The following PIGU variants were observed in gnomAD, a reference collection of about 807,000 sequenced individuals.
The protein encoded by PIGU is phosphatidylinositol glycan anchor biosynthesis class U.
In PIGU, 24 loss-of-function variants were observed where a neutral mutation model predicts 49.9. The observed-to-expected ratio is 0.48, with a 90% confidence interval of 0.35 to 0.68. The LOEUF (loss-of-function observed/expected upper bound fraction) is 0.68, where lower values mean the gene tolerates loss of function less well. Ranked by LOEUF, PIGU falls within the 30% of genes least tolerant of loss-of-function variation. PIGU has a pLI of 0.01. For synonymous variants in PIGU, 220 were observed against 205.7 expected (o/e 1.07, Z -0.59); for missense variants, 490 against 532.6 (o/e 0.92, Z 0.79).
intron 2 of PIGU, among the ~76,000 whole-genome samples, chr20:34,656,934 C>T (rs531482852): frequency 1.3e-5 from 2 of 152,262 alleles, no homozygotes; most frequent in East Asian, 1.9e-4. Context: ...AACTTATTTG[C>T]CTTTACAAAT....
At chr20:34,596,150 T>C (rs1456372562) in intron 7 of PIGU, among the ~76,000 whole-genome samples, 1 of 152,214 alleles carries the variant, frequency 6.6e-6, no homozygotes, top group Admixed American at 6.5e-5. Context: ...AACCCCTCGG[T>C]ACAGTGCACT....
intron 6 of PIGU, among the ~76,000 whole-genome samples, chr20:34,631,818 G>A (rs1223839938): frequency 2.1e-5 from 1 of 46,932 alleles, no homozygotes; most frequent in Non-Finnish European, 4.3e-5. Flanking sequence ...TTTTTTTTTA[G>A]TAGAGACGGG....
chr20:34,582,896 G>A lies in PIGU; in HGVS notation c.927-1224C>T, dbSNP rs548859060. Reference sequence around the variant, plus strand: ...CAGAGCTCAATCTCGGTGCCCCTCCGAGAGCTGACCAAGTGCTAAAGGGAA... The same window carrying A: ...CAGAGCTCAATCTCGGTGCCCCTCCAAGAGCTGACCAAGTGCTAAAGGGAA... On this transcript the variant is annotated intron_variant, in intron 9 of 11. Transcript: ENST00000217446. Among the ~76,000 whole-genome samples, 322 of 152,124 alleles carry A rather than the reference G, an allele frequency of 2.1e-3. 2 individuals carry two copies. Among genetic ancestry groups the A allele is most frequent in the Middle Eastern group, 3.4e-3 (1 of 294 alleles).
At chr20:34,592,227 G>A (rs1385512645) in intron 7 of PIGU, among the ~76,000 whole-genome samples, 1 of 151,054 alleles carries the variant, frequency 6.6e-6, no homozygotes, top group African/African-American at 2.4e-5. Context: ...AGTTACTTTG[G>A]AATAGAAGAA....
At chr20:34,590,568 T>C (rs1983914881) in intron 7 of PIGU, among the ~76,000 whole-genome samples, 1 of 144,316 alleles carries the variant, frequency 6.9e-6, no homozygotes, top group African/African-American at 2.6e-5. Context: ...TCAAATAAAA[T>C]AGCGTAACGT....
intron 1 of PIGU, among the ~76,000 whole-genome samples, chr20:34,658,238 G>A (rs1184118816): frequency 6.6e-6 from 1 of 152,218 alleles, no homozygotes; most frequent in Non-Finnish European, 1.5e-5. Flanking sequence ...CGAGTGATCC[G>A]CCAACCTCGG....
intron 11 of PIGU, among the ~76,000 whole-genome samples, chr20:34,570,682 C>A (rs1982971511): frequency 6.6e-6 from 1 of 152,148 alleles, no homozygotes; most frequent in South Asian, 2.1e-4. Context: ...CAGGTGTGAG[C>A]CACCGCGCCC....
intron 5 of PIGU, among the ~76,000 whole-genome samples, chr20:34,636,497 T>C (rs1985970250): frequency 6.7e-6 from 1 of 150,170 alleles, no homozygotes; most frequent in African/African-American, 2.5e-5. Context: ...TGAGCCGAGA[T>C]TGCACCACTG....
intron 1 of PIGU, among the ~76,000 whole-genome samples, chr20:34,669,291 G>C (rs1987229495): frequency 6.6e-6 from 1 of 152,084 alleles, no homozygotes; most frequent in African/African-American, 2.4e-5. Context: ...ATTAACATTG[G>C]GGGAAGCTGG....
In PIGU at chr20:34,561,035, A is replaced by C. The variant is rs964771124; in HGVS notation, c.1195-56T>G. ...CTGGGTACCTCCCCCTAAACCCAGG[A>C]TCCCTGAACTGCTGGCAGGTGTTGT... On this transcript the variant is annotated intron_variant, in intron 11 of 11. Transcript: ENST00000217446. 3 of 1,259,586 alleles carry C rather than the reference A, an allele frequency of 2.4e-6. No individual in the cohort carries two copies. The African/African-American group carries it at 4.5e-5, about 19-fold the overall frequency. 78.0% of individuals were successfully genotyped at this position (1,259,586 alleles called of 1,614,324 possible).
At chr20:34,673,881 C>T (rs1225617721) in intron 1 of PIGU, among the ~76,000 whole-genome samples, 1 of 151,544 alleles carries the variant, frequency 6.6e-6, no homozygotes, top group African/African-American at 2.4e-5. Flanking sequence ...GGTGAAACCT[C>T]GTGTCTACTA....
Position 34,560,899 on chromosome 20 carries a change from C to T in PIGU, c.1275G>A (p.Lys425=), listed in dbSNP as rs1291270280. The T allele has an allele frequency of 2.5e-6, 4 of 1,612,350 alleles. No individual in the cohort carries two copies. In the African/African-American group the frequency reaches 5.3e-5, roughly 22 times the overall value. The change falls in exon 12 of 12, where the codon AAG becomes AAA. Residue 425 remains lysine (K), a synonymous_variant. Transcript: ENST00000217446. ...GCACGAGCATGGCCTCTGTGCCATC[C>T]TTGGCGGTCAAGTAGAGGCCATGTG... ...YLTHGLYLTA[K]DGTEAMLVLK
rs1211911023 is a variant in PIGU at position 34,616,069 on chromosome 20, A to C, written c.600T>G (p.Phe200Leu). Reference protein sequence around the residue: ...TYQSLYPLTLFVPGLLYLLQR... With the variant: ...TYQSLYPLTLLVPGLLYLLQR... ...GGAGGAGATAGAGGAGTCCTGGGAC[A>C]AACAAGGTGAGTGGGTACAGAGACT... Residue 200 changes from phenylalanine to leucine, a missense_variant, in exon 7 of 12, where the codon TTT becomes TTG. Phe to Leu is a conservative substitution (Grantham distance 22, BLOSUM62 0). Coordinates refer to ENST00000217446, the MANE Select transcript of PIGU (RefSeq NM_080476.5). The C allele has an allele frequency of 6.2e-7, 1 of 1,612,572 alleles. No homozygotes were observed. Among genetic ancestry groups the C allele is most frequent in the African/African-American group, 1.3e-5 (1 of 74,856 alleles).
At chr20:34,643,246 A>C (rs1273167968) in intron 4 of PIGU, among the ~76,000 whole-genome samples, 1 of 152,164 alleles carries the variant, frequency 6.6e-6, no homozygotes, top group African/African-American at 2.4e-5. Context: ...ATACACACAC[A>C]CACATATAAT....
intron 11 of PIGU, among the ~76,000 whole-genome samples, chr20:34,561,913 G>A (rs927543852): frequency 1.3e-5 from 2 of 152,168 alleles, no homozygotes; most frequent in Non-Finnish European, 2.9e-5. Context: ...CTCATCGAAA[G>A]TGTAATTTTC....
chr20:34,646,841 GAGAC>G (rs1215668606), intron 2 of PIGU, among the ~76,000 whole-genome samples: 1 of 142,868 alleles, frequency 7.0e-6, no homozygotes, highest in East Asian at 2.0e-4. Flanking sequence ...TTTTTTTTTT[GAGAC>G]AGACTCTCGC....
At chr20:34,659,264 C>A (rs1218259523) in intron 1 of PIGU, among the ~76,000 whole-genome samples, 291 of 95,238 alleles carry the variant, frequency 3.1e-3, no homozygotes, top group Middle Eastern at 5.6e-3. Flanking sequence ...GGGGGTCAGC[C>A]CCCCGCCCGG....
chr20:34,562,328 G>A, intron 11 of PIGU: 1 of 833,472 alleles, frequency 1.2e-6, no homozygotes, highest in Non-Finnish European at 1.4e-6. Context: ...TGGCACAGAT[G>A]GGGAGACTGA....
At chr20:34,642,326 C>G (rs568093156) in intron 4 of PIGU, among the ~76,000 whole-genome samples, 2 of 152,256 alleles carry the variant, frequency 1.3e-5, no homozygotes, top group South Asian at 4.1e-4. Flanking sequence ...CCACCTGTCT[C>G]AGTCTCCAGA....
Sources: allele counts gnomAD v4.1 joint callset (sites outside exome capture counted in the v4.1 genomes callset), GRCh38; gene constraint gnomAD v4.1.1; transcripts MANE v1.5; gene names NCBI Gene and HGNC (gene_info 2026-07-23, HGNC 2026-07-21).